Variants in UBASH3B observed in about 807,000 individuals in gnomAD.
UBASH3B encodes ubiquitin associated and SH3 domain containing B.
Under a neutral mutation model 83.4 loss-of-function variants are expected in UBASH3B, and 37 were observed. The ratio of observed to expected loss-of-function variants is 0.44; its 90% CI spans 0.34 to 0.58. UBASH3B has a LOEUF of 0.58. UBASH3B is among the 20% of genes least tolerant of loss of function. The pLI is 0.01. For missense variants in UBASH3B, 657 were observed against 827.2 expected, an observed-to-expected ratio of 0.79 and a Z score of 2.52; for synonymous variants, 304 against 318.3, an observed-to-expected ratio of 0.96 and a Z score of 0.48.
chr11:122,790,975 A>T (rs1393222211), intron 6 of UBASH3B, among the ~76,000 whole-genome samples: 2 of 151,730 alleles, frequency 1.3e-5, no homozygotes, highest in African/African-American at 4.8e-5. Context: ...GTGGAGGTAT[A>T]TGAGAAGCAG....
In UBASH3B at chr11:122,736,731, C is replaced by G. The variant is rs191264216; in HGVS notation, c.162-39488C>G. 4.6e-5 allele frequency among the ~76,000 whole-genome samples: 7 copies of G among 151,970 alleles called. No individual in the cohort carries two copies. The East Asian group carries it at 1.4e-3, about 30-fold the overall frequency. Reference sequence around the variant, plus strand: ...ATGCTGGGAAAGAAATGCAGGGTGTCATGAGAATGTGTAACTGGGAGATTT... The same window carrying G: ...ATGCTGGGAAAGAAATGCAGGGTGTGATGAGAATGTGTAACTGGGAGATTT... On this transcript the variant is annotated intron_variant, in intron 1 of 13. Coordinates refer to ENST00000284273, the MANE Select transcript of UBASH3B (RefSeq NM_032873.5).
Position 122,806,573 on chromosome 11 carries a change from G to T in UBASH3B, c.1702+57G>T. 1.4e-6 allele frequency: 2 copies of T among 1,458,412 alleles called. No homozygotes were observed. Among genetic ancestry groups the T allele is most frequent in the Non-Finnish European group, 1.8e-6 (2 of 1,108,200 alleles). 90.3% of individuals were successfully genotyped at this position (1,458,412 alleles called of 1,614,324 possible). A position where few individuals can be genotyped will look rare whatever the true frequency, so the allele number is the denominator to read the frequency against. ...CATACGTGATTATTTCTCTATAATG[G>T]TTAATAGGTTATTCAAGATGTTTCA... is the stretch of plus-strand genomic sequence containing the variant. On this transcript the variant is annotated intron_variant, in intron 12 of 13. Coordinates refer to ENST00000284273, the MANE Select transcript of UBASH3B (RefSeq NM_032873.5). This position sits in a 1 kb window ranked among gnomAD's most constrained non-coding sequence, Gnocchi z 4.0.
intron 1 of UBASH3B, among the ~76,000 whole-genome samples, chr11:122,680,733 G>T (rs187612891): frequency 6.6e-6 from 1 of 152,362 alleles, no homozygotes; most frequent in East Asian, 1.9e-4. Context: ...AAAGTGCTGG[G>T]ATTACAGGCG....
At chr11:122,691,743 G>T (rs546520709) in intron 1 of UBASH3B, among the ~76,000 whole-genome samples, 5 of 152,292 alleles carry the variant, frequency 3.3e-5, no homozygotes, top group Admixed American at 3.3e-4. Context: ...AGGCTGCCTT[G>T]CCTGGCCTTC....
chr11:122,788,956 T>C, intron 5 of UBASH3B, 144 bp from the exon 6 acceptor site: 1 of 693,056 alleles, frequency 1.4e-6, no homozygotes, highest in Non-Finnish European at 2.5e-6. Flanking sequence ...TCACATCTAC[T>C]CAGGGCCTGC....
chr11:122,796,119 A>G (rs773693819), intron 7 of UBASH3B, 37 bp from the exon 8 acceptor site: 2 of 1,610,862 alleles, frequency 1.2e-6, no homozygotes, highest in South Asian at 2.2e-5. Flanking sequence ...CCACTTTGCC[A>G]TGTGTGTCTT....
At position 122,812,894 on chromosome 11, in the gene UBASH3B, T is replaced by C. The variant is rs1171079863; in HGVS notation, c.*3008T>C. The C allele has an allele frequency of 6.6e-6, 1 of 152,460 alleles. No individual in the cohort carries two copies. Among genetic ancestry groups the C allele is most frequent in the Non-Finnish European group, 1.5e-5 (1 of 68,036 alleles). 9.4% of individuals were successfully genotyped at this position (152,460 alleles called of 1,614,324 possible). On this transcript the variant is annotated 3_prime_UTR_variant, in exon 14 of 14. Coordinates refer to ENST00000284273, the MANE Select transcript of UBASH3B (RefSeq NM_032873.5). ...CTAGGAGCTTATTGCTTCACCCCAGTATGGAGTTCAGATTACAGTGTTTTC... is the reference window on the plus strand; with the variant it reads ...CTAGGAGCTTATTGCTTCACCCCAGCATGGAGTTCAGATTACAGTGTTTTC...
Position 122,656,126 on chromosome 11 carries a change from G to A in UBASH3B, c.77G>A (p.Arg26Lys). 6.3e-7 allele frequency: 1 copy of A among 1,598,034 alleles called. No individual in the cohort carries two copies. Among genetic ancestry groups the A allele is most frequent in the Non-Finnish European group, 8.5e-7 (1 of 1,173,502 alleles). The change falls in exon 1 of 14, where the codon AGG (arginine) becomes AAG (lysine). Residue 26 changes from arginine (R) to lysine (K), a missense_variant. Around this residue, in one of 3 missense-constraint regions of UBASH3B, gnomAD observed 78 missense variants for 68.4 expected, o/e 1.14. Coordinates refer to ENST00000284273, the MANE Select transcript of UBASH3B (RefSeq NM_032873.5). ...EELYSKVTPR[R>K]NRQQRPGTIK... ...CTGTACAGCAAAGTCACCCCCCGGAGGAACCGCCAACAGCGCCCCGGCACC... is the reference window on the plus strand; with the variant it reads ...CTGTACAGCAAAGTCACCCCCCGGAAGAACCGCCAACAGCGCCCCGGCACC...
chr11:122,669,657 A>G (rs1285104987), intron 1 of UBASH3B, among the ~76,000 whole-genome samples: 1 of 152,230 alleles, frequency 6.6e-6, no homozygotes, highest in Non-Finnish European at 1.5e-5. Flanking sequence ...CCCAAGCACC[A>G]GGTAGTCATA....
chr11:122,739,129 C>T (rs977201516), intron 1 of UBASH3B, among the ~76,000 whole-genome samples: 2 of 152,064 alleles, frequency 1.3e-5, no homozygotes, highest in African/African-American at 4.8e-5. Context: ...TCCTGAGTAG[C>T]TGAGACTACA....
At chr11:122,774,156 G>C (rs1163890557) in intron 1 of UBASH3B, 21 of 985,316 alleles carry the variant, frequency 2.1e-5, no homozygotes, top group Non-Finnish European at 2.5e-5. Context: ...CCTTGTCAAA[G>C]TGTGGGAATG....
chr11:122,679,639 G>T (rs1004086840), intron 1 of UBASH3B, among the ~76,000 whole-genome samples: 3 of 152,168 alleles, frequency 2.0e-5, no homozygotes, highest in Admixed American at 2.0e-4. Flanking sequence ...AATATTTCAG[G>T]CTTGGCCGAC....
chr11:122,679,849 G>C (rs1046140984), intron 1 of UBASH3B, among the ~76,000 whole-genome samples: 1 of 151,678 alleles, frequency 6.6e-6, no homozygotes, highest in Non-Finnish European at 1.5e-5. Flanking sequence ...TTTTTGGTTT[G>C]AGATGGAGTC....
At chr11:122,739,704 A>G (rs936247958) in intron 1 of UBASH3B, among the ~76,000 whole-genome samples, 16 of 152,180 alleles carry the variant, frequency 1.1e-4, no homozygotes, top group Admixed American at 2.0e-4. Flanking sequence ...ATCTCTGCTC[A>G]CTCTCTGATT....
intron 1 of UBASH3B, chr11:122,727,394 A>G (rs1229898367): frequency 6.6e-6 from 1 of 152,084 alleles, no homozygotes; most frequent in East Asian, 1.9e-4. Context: ...TGCGTTCTCT[A>G]AGGGTCGCAG....
At chr11:122,799,115 A>G in intron 10 of UBASH3B, 81 bp downstream of exon 10, 1 of 1,193,334 alleles carries the variant, frequency 8.4e-7, no homozygotes, top group Non-Finnish European at 1.2e-6. Flanking sequence ...TCTTAGAGCC[A>G]TGGGACATTT....
At chr11:122,672,430 C>T (rs917199338) in intron 1 of UBASH3B, among the ~76,000 whole-genome samples, 4 of 152,030 alleles carry the variant, frequency 2.6e-5, no homozygotes, top group Non-Finnish European at 5.9e-5. Flanking sequence ...AGCGATTCTT[C>T]TGCCTCAACC....
chr11:122,782,078 T>C (rs546384462), intron 4 of UBASH3B, among the ~76,000 whole-genome samples: 9 of 152,216 alleles, frequency 5.9e-5, no homozygotes, highest in Admixed American at 4.6e-4. Flanking sequence ...TTCTCCCTCA[T>C]TGTAAATACA....
chr11:122,726,011 A>G (rs1333423344), intron 1 of UBASH3B, among the ~76,000 whole-genome samples: 1 of 152,124 alleles, frequency 6.6e-6, no homozygotes, highest in Non-Finnish European at 1.5e-5. Flanking sequence ...ATTTTTCTAT[A>G]GAATATATTT....
Sources: allele counts gnomAD v4.1 joint callset (sites outside exome capture counted in the v4.1 genomes callset), GRCh38; gene constraint gnomAD v4.1.1; regional missense constraint gnomAD v4.1.1; non-coding constraint Gnocchi (gnomAD v3.1); transcripts MANE v1.5; gene names NCBI Gene and HGNC (gene_info 2026-07-23, HGNC 2026-07-21).